The following CCDC3 variants were observed in gnomAD, a reference collection of about 807,000 sequenced individuals.
The protein encoded by CCDC3 is coiled-coil domain containing 3.
Under a neutral mutation model 21.4 loss-of-function variants are expected in CCDC3, and 24 were observed. That is an observed-to-expected ratio of 1.12 (90% CI 0.81 to 1.58). CCDC3 has a LOEUF of 1.58. CCDC3 is among the 40% of genes most tolerant of loss of function. The pLI, the probability that CCDC3 is intolerant of heterozygous loss-of-function variation, is 0.00. For synonymous variants in CCDC3, 186 were observed against 166.0 expected, an observed-to-expected ratio of 1.12 and a Z score of -0.93; for missense variants, 425 against 360.9, an observed-to-expected ratio of 1.18 and a Z score of -1.44.
chr10:12,926,992 A>C (rs1165941954), intron 2 of CCDC3, among the ~76,000 whole-genome samples: 1 of 152,194 alleles, frequency 6.6e-6, no homozygotes, highest in African/African-American at 2.4e-5. Context: ...TCCATTTTGG[A>C]AAAAAAGGGA....
chr10:12,993,006 A>T (rs1258177612), intron 2 of CCDC3, among the ~76,000 whole-genome samples: 1 of 152,210 alleles, frequency 6.6e-6, no homozygotes, highest in Admixed American at 6.5e-5. Context: ...GTTGAATGAA[A>T]AAAGTGCAGA....
intron 2 of CCDC3, among the ~76,000 whole-genome samples, chr10:12,935,529 T>C (rs943769546): frequency 6.6e-6 from 1 of 152,224 alleles, no homozygotes; most frequent in Non-Finnish European, 1.5e-5. Context: ...TATTCCTATT[T>C]TTTACTTCCT....
intron 4 of CCDC3, among the ~76,000 whole-genome samples, chr10:13,068,994 G>C (rs1836852938): frequency 6.6e-6 from 1 of 152,248 alleles, no homozygotes; most frequent in Admixed American, 6.5e-5. Context: ...GGTGGCTCAT[G>C]CCTGTAATCC....
At chr10:13,002,324 G>T (rs1045649328), upstream of CCDC3, among the ~76,000 whole-genome samples, 8 of 152,200 alleles carry the variant, frequency 5.3e-5, no homozygotes, top group African/African-American at 1.7e-4. Flanking sequence ...ATCAGTGAGT[G>T]AATTTGAGGA....
intron 2 of CCDC3, among the ~76,000 whole-genome samples, chr10:12,957,734 TGCCATGATTG>T (rs1390664153): frequency 6.6e-6 from 1 of 152,232 alleles, no homozygotes; most frequent in Non-Finnish European, 1.5e-5. Context: ...CTTTACTTTC[TGCCATGATTG>T]CAGGCTTCCT....
chr10:13,014,822 A>G (rs778911733), intron 5 of CCDC3, among the ~76,000 whole-genome samples: 1 of 152,130 alleles, frequency 6.6e-6, no homozygotes, highest in Non-Finnish European at 1.5e-5. Flanking sequence ...TGGCATAAGT[A>G]ATTTCTTCTT....
intron 4 of CCDC3, among the ~76,000 whole-genome samples, chr10:13,060,679 A>T (rs1426424930): frequency 4.6e-5 from 7 of 152,008 alleles, no homozygotes; most frequent in Non-Finnish European, 7.4e-5. Flanking sequence ...TAATTTTTAA[A>T]TTTTTTGTAG....
At chr10:12,984,004 C>T (rs181453416) in intron 2 of CCDC3, among the ~76,000 whole-genome samples, 13 of 152,208 alleles carry the variant, frequency 8.5e-5, no homozygotes, top group South Asian at 6.2e-4. Flanking sequence ...CACCTGACCC[C>T]GGGAGACAGA....
chr10:12,947,378 C>A (rs568555056), intron 2 of CCDC3, among the ~76,000 whole-genome samples: 1 of 152,056 alleles, frequency 6.6e-6, no homozygotes, highest in Non-Finnish European at 1.5e-5. Context: ...GAACTCCTGA[C>A]CTCCAGTGAT....
At chr10:12,957,767 G>A (rs1835115215) in intron 2 of CCDC3, among the ~76,000 whole-genome samples, 1 of 152,228 alleles carries the variant, frequency 6.6e-6, no homozygotes, top group South Asian at 2.1e-4. Context: ...GACTGCCCCA[G>A]AAGCCAAGCA....
chr10:13,093,735 A>C (rs1473480883), intron 3 of CCDC3, among the ~76,000 whole-genome samples: 3 of 152,100 alleles, frequency 2.0e-5, no homozygotes, highest in Non-Finnish European at 4.4e-5. Flanking sequence ...TCCACCATGC[A>C]CTTTTTCAGA....
intron 2 of CCDC3, among the ~76,000 whole-genome samples, chr10:12,981,242 T>C (rs1294398781): frequency 7.1e-6 from 1 of 140,842 alleles, no homozygotes; most frequent in Non-Finnish European, 1.5e-5. Flanking sequence ...TGTGGTGGCG[T>C]GATCTTGGTT....
At chr10:12,993,758 A>G (rs1835714371) in intron 2 of CCDC3, among the ~76,000 whole-genome samples, 2 of 152,158 alleles carry the variant, frequency 1.3e-5, no homozygotes, top group Admixed American at 1.3e-4. Context: ...ACGTACTAAC[A>G]CTGCTGACAT....
chr10:12,953,469 A>G (rs1013994107), intron 2 of CCDC3, among the ~76,000 whole-genome samples: 8 of 152,258 alleles, frequency 5.3e-5, no homozygotes, highest in African/African-American at 1.9e-4. Context: ...CAAGATTAAA[A>G]TACAGAGAGA....
At chr10:12,916,243 C>T (rs868024013) in intron 2 of CCDC3, among the ~76,000 whole-genome samples, 3 of 152,012 alleles carry the variant, frequency 2.0e-5, no homozygotes, top group East Asian at 1.9e-4. Flanking sequence ...ACCAGCCTGG[C>T]CAACATGGTG....
chr10:12,898,537 G>A lies in CCDC3; in HGVS notation c.692C>T (p.Ala231Val), dbSNP rs1167314594. Residue 231 changes from alanine (A) to valine (V), a missense_variant, in exon 3 of 3, where the codon GCG (alanine) becomes GTG (valine). By Grantham distance (64) the Ala-to-Val change is moderately conservative (BLOSUM62 0). Transcript: ENST00000378825. ...CTCCAGGTGGCGGCCCTTCTTACGC[G>A]CCTGCCGCAAGGACCTCTTGACCTT... ...VKKVKRSLRQ[A>V]RKKGRHLELA... 4.3e-6 allele frequency: 7 copies of A among 1,614,140 alleles called. No homozygotes were observed. The highest frequency in any genetic ancestry group is 1.7e-5 in the Admixed American group (1 of 60,020).
At chr10:13,039,596 G>C (rs780423260) in intron 5 of CCDC3, among the ~76,000 whole-genome samples, 2 of 152,198 alleles carry the variant, frequency 1.3e-5, no homozygotes, top group Non-Finnish European at 2.9e-5. Flanking sequence ...GTCACAAATA[G>C]TAAGTTAATT....
intron 3 of CCDC3, among the ~76,000 whole-genome samples, chr10:13,081,253 A>G (rs1837036285): frequency 6.6e-6 from 1 of 152,004 alleles, no homozygotes; most frequent in African/African-American, 2.4e-5. Context: ...TCAGTTTCTC[A>G]GAAATTATAT....
chr10:13,047,281 G>T (rs376546502), intron 5 of CCDC3, among the ~76,000 whole-genome samples: 2 of 152,180 alleles, frequency 1.3e-5, no homozygotes, highest in Non-Finnish European at 2.9e-5. Context: ...GAAGCCCATG[G>T]GTTTGAAAAG....
Sources: allele counts gnomAD v4.1 joint callset (sites outside exome capture counted in the v4.1 genomes callset), GRCh38; gene constraint gnomAD v4.1.1; transcripts MANE v1.5; gene names NCBI Gene and HGNC (gene_info 2026-07-23, HGNC 2026-07-21).